ZBTB8A: variants seen among roughly 807,000 people sequenced by gnomAD.
ZBTB8A encodes the protein zinc finger and BTB domain containing 8A.
In ZBTB8A, 19 loss-of-function variants were observed where a neutral mutation model predicts 37.8. The ratio of observed to expected loss-of-function variants is 0.50; its 90% CI spans 0.35 to 0.74. ZBTB8A has a LOEUF of 0.74. ZBTB8A is among the 30% of genes least tolerant of loss of function. ZBTB8A has a pLI of 0.01. For synonymous variants in ZBTB8A, 181 were observed against 185.2 expected (o/e 0.98, Z 0.19); for missense variants, 394 against 537.8 (o/e 0.73, Z 2.65).
At chr1:32,556,618 C>G (rs1207725086) in intron 2 of ZBTB8A, among the ~76,000 whole-genome samples, 1 of 152,130 alleles carries the variant, frequency 6.6e-6, no homozygotes, top group South Asian at 2.1e-4. Context: ...TGGCTCACGC[C>G]TGTAATCCCA....
chr1:32,600,416 G>A lies in ZBTB8A; in HGVS notation c.1323G>A (p.Arg441=). The A allele has an allele frequency of 6.2e-7, 1 of 1,606,536 alleles. No homozygotes were observed. The highest frequency in any genetic ancestry group is 1.1e-5 in the South Asian group (1 of 90,700). ...AAAAAGAAATTAAGCCCAACATTAG[G>A]TAGCTGTAATGTGAACCAACAGAGC... The part of the protein sequence containing the change: ...EEEKEIKPNI[R] Residue 441 remains arginine, a synonymous_variant, in exon 5 of 5, where the codon AGG becomes AGA. Transcript: ENST00000373510.
chr1:32,597,279 G>A (rs1164055297), intron 4 of ZBTB8A, among the ~76,000 whole-genome samples: 1 of 152,174 alleles, frequency 6.6e-6, no homozygotes, highest in African/African-American at 2.4e-5. Context: ...ACAGGCGTGA[G>A]CCACCACGTC....
chr1:32,544,707 T>C (rs1644088425), intron 1 of ZBTB8A, among the ~76,000 whole-genome samples: 1 of 151,986 alleles, frequency 6.6e-6, no homozygotes, highest in Admixed American at 6.6e-5. Context: ...CAAAAATAAA[T>C]AAACAAATAA....
chr1:32,596,976 A>G (rs1190551066), intron 4 of ZBTB8A, among the ~76,000 whole-genome samples: 1 of 151,734 alleles, frequency 6.6e-6, no homozygotes, highest in East Asian at 1.9e-4. Flanking sequence ...CGGCTGTCCA[A>G]CCAAAGGAGG....
intron 3 of ZBTB8A, among the ~76,000 whole-genome samples, chr1:32,594,658 G>A (rs1249205150): frequency 6.6e-6 from 1 of 151,904 alleles, no homozygotes; most frequent in East Asian, 1.9e-4. Context: ...CTACTCAGGA[G>A]CCTGAGGCAG....
At chr1:32,547,733 G>A (rs1349899523) in intron 1 of ZBTB8A, among the ~76,000 whole-genome samples, 3 of 148,288 alleles carry the variant, frequency 2.0e-5, no homozygotes, top group South Asian at 2.2e-4. Context: ...ACCTGAGCCC[G>A]GGGAGGTCAA....
At position 32,596,935 on chromosome 1, in the gene ZBTB8A, A is replaced by G. The variant is rs546581738; in HGVS notation, c.993+1712A>G. ...CTCAGCATCTACCAGTGATTACTGAATCCTTGTCTGGTAGGATTTCAGTCT... is the reference window on the plus strand; with the variant it reads ...CTCAGCATCTACCAGTGATTACTGAGTCCTTGTCTGGTAGGATTTCAGTCT... On this transcript the variant is annotated intron_variant, in intron 4 of 4. Coordinates refer to ENST00000373510, the MANE Select transcript of ZBTB8A (RefSeq NM_001040441.3). 1.6e-4 allele frequency among the ~76,000 whole-genome samples: 25 copies of G among 152,290 alleles called. No homozygotes were observed. The South Asian group carries it at 5.0e-3, about 30-fold the overall frequency.
intron 2 of ZBTB8A, among the ~76,000 whole-genome samples, chr1:32,573,218 G>T (rs945671702): frequency 6.7e-6 from 1 of 149,150 alleles, no homozygotes; most frequent in Non-Finnish European, 1.5e-5. Flanking sequence ...TTACAGGTGC[G>T]TGCCACCACA....
At chr1:32,564,596 C>G (rs1314516815) in intron 2 of ZBTB8A, among the ~76,000 whole-genome samples, 1 of 152,096 alleles carries the variant, frequency 6.6e-6, no homozygotes, top group African/African-American at 2.4e-5. Flanking sequence ...GGATTCATCT[C>G]TCTGTCTCTA....
At chr1:32,586,177 G>A (rs548153683) in intron 2 of ZBTB8A, among the ~76,000 whole-genome samples, 10 of 151,684 alleles carry the variant, frequency 6.6e-5, no homozygotes, top group East Asian at 1.9e-4. Flanking sequence ...AAAATTAACC[G>A]GGGTGGTGGT....
chr1:32,566,433 G>A (rs1042554689), intron 2 of ZBTB8A, among the ~76,000 whole-genome samples: 1 of 151,838 alleles, frequency 6.6e-6, no homozygotes, highest in Non-Finnish European at 1.5e-5. Flanking sequence ...GCTAAGGTGG[G>A]AGGGTCACCT....
At position 32,601,705 on chromosome 1, in the gene ZBTB8A, A is replaced by G. The variant is rs1378482044; in HGVS notation, c.*1286A>G. 2 of 398,426 alleles carry G rather than the reference A, an allele frequency of 5.0e-6. No homozygotes were observed. Among genetic ancestry groups the G allele is most frequent in the Non-Finnish European group, 8.8e-6 (2 of 226,042 alleles). 24.7% of individuals were successfully genotyped at this position (398,426 alleles called of 1,614,324 possible). Reference sequence around the variant, plus strand: ...TCCTCTTTCAGCCTTCTCTCCCTGTATGTCTCCTGAAATGGCAAAGAATAG... The same window carrying G: ...TCCTCTTTCAGCCTTCTCTCCCTGTGTGTCTCCTGAAATGGCAAAGAATAG... On this transcript the variant is annotated 3_prime_UTR_variant, in exon 5 of 5. Transcript: ENST00000373510.
intron 2 of ZBTB8A, among the ~76,000 whole-genome samples, chr1:32,554,125 G>A (rs1384392572): frequency 7.3e-5 from 11 of 150,154 alleles, no homozygotes; most frequent in Admixed American, 6.0e-4. Context: ...ACTTCAATCC[G>A]GGCAGCGGAC....
At chr1:32,595,750 A>G (rs958057958) in intron 4 of ZBTB8A, among the ~76,000 whole-genome samples, 24 of 151,462 alleles carry the variant, frequency 1.6e-4, no homozygotes, top group Non-Finnish European at 3.1e-4. Context: ...CTCAGGCTCA[A>G]ATTATCCTCC....
chr1:32,544,870 G>A (rs1213540774), intron 1 of ZBTB8A, among the ~76,000 whole-genome samples: 3 of 152,050 alleles, frequency 2.0e-5, no homozygotes, highest in Non-Finnish European at 2.9e-5. Flanking sequence ...CCATTGTATG[G>A]GTATACCACA....
chr1:32,597,049 C>A (rs1015983992), intron 4 of ZBTB8A, among the ~76,000 whole-genome samples: 1 of 152,018 alleles, frequency 6.6e-6, no homozygotes. Flanking sequence ...CTCTGTTGCC[C>A]AGGCTGGAGT....
At chr1:32,553,901 A>AG in intron 2 of ZBTB8A, among the ~76,000 whole-genome samples, 1 of 147,488 alleles carries the variant, frequency 6.8e-6, no homozygotes, top group East Asian at 2.0e-4. Context: ...AAAAAAAAAA[A>AG]AAAAGGTAGA....
intron 1 of ZBTB8A, among the ~76,000 whole-genome samples, chr1:32,546,609 C>G (rs1317765365): frequency 6.6e-6 from 1 of 152,152 alleles, no homozygotes; most frequent in Non-Finnish European, 1.5e-5. Flanking sequence ...CCACTGCACT[C>G]CAGGCTGGTG....
At chr1:32,598,683 C>A (rs1398228714) in intron 4 of ZBTB8A, among the ~76,000 whole-genome samples, 2 of 152,106 alleles carry the variant, frequency 1.3e-5, no homozygotes, top group Non-Finnish European at 2.9e-5. Flanking sequence ...GTTCTGACAG[C>A]TATTGAACAA....
Sources: gnomAD v4.1 joint callset for allele counts (sites outside exome capture counted in the v4.1 genomes callset) on GRCh38, gnomAD v4.1.1 for gene constraint, MANE v1.5 for transcripts, NCBI Gene and HGNC (gene_info 2026-07-23, HGNC 2026-07-21) for gene names.